The following PARP6 variants were observed in gnomAD, a reference collection of about 807,000 sequenced individuals.
The protein encoded by PARP6 is protein mono-ADP-ribosyltransferase PARP6.
Under a neutral mutation model 92.0 loss-of-function variants are expected in PARP6, and 27 were observed. The observed-to-expected ratio is 0.29, with a 90% CI of 0.22 to 0.40. PARP6 has a LOEUF of 0.40. PARP6 is among the 10% of genes least tolerant of loss of function. The pLI is 1.00. For synonymous variants in PARP6, 272 were observed against 281.2 expected (o/e 0.97, Z 0.33); for missense variants, 501 against 784.5 (o/e 0.64, Z 4.32).
rs753748967 is a variant in PARP6, at chr15:72,261,714, G to C, written c.396-7C>G. 6.2e-7 allele frequency: 1 copy of C among 1,613,172 alleles called. No individual in the cohort carries two copies. Among genetic ancestry groups the C allele is most frequent in the African/African-American group, 1.3e-5 (1 of 74,848 alleles). On this transcript the variant is annotated splice_region_variant and splice_polypyrimidine_tract_variant and intron_variant, in intron 8 of 23. Coordinates refer to ENST00000569795, the MANE Select transcript of PARP6 (RefSeq NM_001323532.2). ...TGTAAACATACCCAGGATCCTGAGG[G>C]ATCAAAAAGAATGAGCTTAGGCAAG...
At chr15:72,255,784 C>CTTT (rs67560148) in intron 14 of PARP6, among the ~76,000 whole-genome samples, 1 of 92,810 alleles carries the variant, frequency 1.1e-5, no homozygotes, top group African/African-American at 4.0e-5. Context: ...TTACTTCTCT[C>CTTT]TTTTTTTTTT....
intron 16 of PARP6, among the ~76,000 whole-genome samples, chr15:72,253,007 C>G (rs1295025533): frequency 6.6e-6 from 1 of 151,350 alleles, no homozygotes; most frequent in Non-Finnish European, 1.5e-5. Context: ...TAGGGAGACT[C>G]CATCTCTATT....
At chr15:72,260,818 G>T in intron 9 of PARP6, 130 bp from the exon 10 acceptor site, 1 of 713,692 alleles carries the variant, frequency 1.4e-6, no homozygotes, top group South Asian at 1.6e-5. Flanking sequence ...TCTGAGGAAA[G>T]TTGCATTGTA....
In PARP6 at chr15:72,242,328, G is replaced by T; in HGVS notation, c.1642-108C>A. ...GGAGTGGGGATCAGAGATATCCTGGGCTCCCAGCAACACCCCTCGCCGCCC... is the reference window on the plus strand; with the variant it reads ...GGAGTGGGGATCAGAGATATCCTGGTCTCCCAGCAACACCCCTCGCCGCCC... On this transcript the variant is annotated intron_variant, in intron 21 of 23. Coordinates refer to ENST00000569795, the MANE Select transcript of PARP6 (RefSeq NM_001323532.2). The surrounding 1 kb of genome is among the most constrained non-coding windows in gnomAD (Gnocchi z 4.3). 1 of 887,820 alleles carries T rather than the reference G, an allele frequency of 1.1e-6. No individual in the cohort carries two copies. The highest frequency in any genetic ancestry group is 1.8e-6 in the Non-Finnish European group (1 of 544,960). 55.0% of individuals were successfully genotyped at this position (887,820 alleles called of 1,614,324 possible).
rs2085177477 is a variant in PARP6, at chr15:72,256,654, T to C, written c.1000-64A>G. 6.9e-6 allele frequency: 9 copies of C among 1,296,062 alleles called. No homozygotes were observed. The South Asian group carries it at 2.0e-4, about 28-fold the overall frequency. The allele number at this position is 1,296,062 out of a possible 1,614,324, so 80.3% of individuals were successfully genotyped here. A position where few individuals can be genotyped will look rare whatever the true frequency, so the allele number is the denominator to read the frequency against. On this transcript the variant is annotated intron_variant, in intron 13 of 23. Coordinates refer to ENST00000569795, the MANE Select transcript of PARP6 (RefSeq NM_001323532.2). ...GATTTCCCAGTACTGGGAGTCAGAG[T>C]ACCCAGTATTTCTCTCTGATGTTCT...
intron 18 of PARP6, chr15:72,250,475 G>C (rs1010733198): frequency 6.3e-6 from 2 of 316,060 alleles, no homozygotes; most frequent in Non-Finnish European, 6.0e-6. Flanking sequence ...TTAAGAAAAG[G>C]GTACTACCAC....
intron 15 of PARP6, 126 bp from the exon 16 acceptor site, chr15:72,253,630 G>A: frequency 2.6e-6 from 2 of 759,534 alleles, no homozygotes; most frequent in Non-Finnish European, 4.6e-6. Flanking sequence ...AGAGGAAAAA[G>A]GAGATAGGGT....
chr15:72,266,309 A>C (rs910208903), intron 4 of PARP6, among the ~76,000 whole-genome samples: 7 of 152,216 alleles, frequency 4.6e-5, no homozygotes, highest in African/African-American at 1.7e-4. Flanking sequence ...AACTCAGAAC[A>C]GGCTGAAGAG....
intron 16 of PARP6, among the ~76,000 whole-genome samples, chr15:72,251,851 G>C (rs1429897038): frequency 6.6e-6 from 1 of 152,214 alleles, no homozygotes; most frequent in Non-Finnish European, 1.5e-5. Context: ...AGATAGAAGA[G>C]AACAGACATA....
intron 7 of PARP6, 71 bp from the exon 8 acceptor site, chr15:72,264,692 A>G: frequency 8.8e-7 from 1 of 1,141,344 alleles, no homozygotes; most frequent in Non-Finnish European, 1.3e-6. Context: ...GCTCAGTGGA[A>G]TAGCTTCCAT....
rs1353075032 is a variant in PARP6, at chr15:72,264,530, G to A, written c.395+25C>T. The stretch of plus-strand genomic sequence containing the variant: ...CTCTCTCCTTCCTTCACATGTCCAT[G>A]ACCAGAAAAGACCAAAGTTCTTACT... On this transcript the variant is annotated intron_variant, in intron 8 of 23. Coordinates refer to ENST00000569795, the MANE Select transcript of PARP6 (RefSeq NM_001323532.2). 2.5e-6 allele frequency: 4 copies of A among 1,576,050 alleles called. No homozygotes were observed. The South Asian group carries it at 4.4e-5, about 17-fold the overall frequency.
intron 16 of PARP6, among the ~76,000 whole-genome samples, chr15:72,252,085 C>CA (rs2084436524): frequency 1.3e-5 from 2 of 152,158 alleles, no homozygotes; most frequent in African/African-American, 4.8e-5. Context: ...GTCAGGAAAA[C>CA]AATAGAAATT....
chr15:72,246,112 G>A (rs1190989358), intron 20 of PARP6, among the ~76,000 whole-genome samples: 3 of 152,194 alleles, frequency 2.0e-5, no homozygotes, highest in Non-Finnish European at 4.4e-5. Context: ...CTTGCCCTGT[G>A]TGGATTAATC....
chr15:72,258,659 TAC>T (rs2085445191), intron 11 of PARP6, among the ~76,000 whole-genome samples: 2 of 152,248 alleles, frequency 1.3e-5, no homozygotes, highest in African/African-American at 2.4e-5. Flanking sequence ...TGGTCAAAAC[TAC>T]AGACAATTCT....
At chr15:72,261,420 G>A (rs2085871890) in intron 9 of PARP6, 138 bp downstream of exon 9, 2 of 753,398 alleles carry the variant, frequency 2.7e-6, no homozygotes, top group East Asian at 2.5e-5. Context: ...TAGGGAACAG[G>A]ACCATGTGAG....
intron 1 of PARP6, among the ~76,000 whole-genome samples, chr15:72,272,120 G>A (rs1005922545): frequency 2.6e-5 from 4 of 152,198 alleles, no homozygotes; most frequent in African/African-American, 9.6e-5. Flanking sequence ...GCAGGTTAGC[G>A]CTATCTCGGG....
At chr15:72,266,028 G>C in intron 4 of PARP6, 37 bp from the exon 5 acceptor site, 1 of 1,306,396 alleles carries the variant, frequency 7.7e-7, no homozygotes, top group Non-Finnish European at 1.1e-6. Flanking sequence ...GAGAGAGGTG[G>C]AAAAAGACGA....
At chr15:72,244,435 A>C (rs1024103952) in intron 20 of PARP6, 2 of 152,210 alleles carry the variant, frequency 1.3e-5, no homozygotes, top group African/African-American at 4.8e-5. Flanking sequence ...GTATGCACTT[A>C]TCAGAAGTCC....
chr15:72,265,192 G>T, intron 6 of PARP6, 21 bp from the exon 7 acceptor site: 1 of 1,555,600 alleles, frequency 6.4e-7, no homozygotes, highest in Non-Finnish European at 8.9e-7. Flanking sequence ...AAGGGAAATA[G>T]TTTCCAGTTT....
Sources: gnomAD v4.1 joint callset for allele counts (sites outside exome capture counted in the v4.1 genomes callset) on GRCh38, gnomAD v4.1.1 for gene constraint, Gnocchi (gnomAD v3.1) non-coding constraint, MANE v1.5 for transcripts, NCBI Gene and HGNC (gene_info 2026-07-23, HGNC 2026-07-21) for gene names.